The following WDR49 variants were observed in gnomAD, a reference collection of about 807,000 sequenced individuals.
The protein encoded by WDR49 is WD repeat domain 49, also known as cilia- and flagella-associated protein 337.
In WDR49, 107 loss-of-function variants were observed where a neutral mutation model predicts 119.5. The ratio of observed to expected loss-of-function variants is 0.90; its 90% CI spans 0.77 to 1.05. The LOEUF (loss-of-function observed/expected upper bound fraction) is 1.05. Among genes scored for constraint, WDR49 ranks in the 50% least tolerant of loss-of-function variants. The pLI is 0.00. For missense variants in WDR49, 1,240 were observed against 1,220.5 expected, an observed-to-expected ratio of 1.02 and a Z score of -0.24; for synonymous variants, 425 against 418.8, an observed-to-expected ratio of 1.01 and a Z score of -0.18.
At chr3:167,495,053 T>A (rs996808283) in intron 18 of WDR49, among the ~76,000 whole-genome samples, 2 of 152,106 alleles carry the variant, frequency 1.3e-5, no homozygotes, top group Non-Finnish European at 2.9e-5. Flanking sequence ...CAGAAAAGAA[T>A]ATTAATTTCA....
At chr3:167,573,399 C>CACACACAA (rs1250471652) in intron 8 of WDR49, among the ~76,000 whole-genome samples, 4 of 141,224 alleles carry the variant, frequency 2.8e-5, no homozygotes, top group Non-Finnish European at 4.4e-5. Flanking sequence ...AATACACACA[C>CACACACAA]ACACACACAC....
At chr3:167,618,269 A>G (rs1716697948) in intron 5 of WDR49, among the ~76,000 whole-genome samples, 1 of 152,226 alleles carries the variant, frequency 6.6e-6, no homozygotes, top group Non-Finnish European at 1.5e-5. Context: ...GTACCACTGA[A>G]CAATGTTCTA....
intron 10 of WDR49, among the ~76,000 whole-genome samples, chr3:167,553,520 G>A (rs892459769): frequency 6.6e-6 from 1 of 152,098 alleles, no homozygotes; most frequent in Non-Finnish European, 1.5e-5. Flanking sequence ...GCATTGCCAA[G>A]TTTTGACTTG....
At chr3:167,490,561 A>G (rs897085651) in intron 18 of WDR49, among the ~76,000 whole-genome samples, 6 of 152,042 alleles carry the variant, frequency 3.9e-5, no homozygotes, top group African/African-American at 1.4e-4. Context: ...ATCAAAGATT[A>G]TTTTTCTTTA....
At position 167,514,124 on chromosome 3, in the gene WDR49, A is replaced by G. The variant is rs1752100407; in HGVS notation, c.2774+8191T>C. Among the ~76,000 whole-genome samples, 7 of 152,218 alleles carry G rather than the reference A, an allele frequency of 4.6e-5. No individual in the cohort carries two copies. In the South Asian group the frequency reaches 1.4e-3, roughly 31 times the overall value. The stretch of plus-strand genomic sequence containing the variant: ...TCAAGTGGACCTGATAGAGATTTAC[A>G]GAAATCTCCACCCAAAAACAACAGA... On this transcript the variant is annotated intron_variant, in intron 16 of 18. Coordinates refer to ENST00000682715, the MANE Select transcript of WDR49 (RefSeq NM_001366157.1).
At chr3:167,499,529 C>T (rs1295579722) in intron 18 of WDR49, among the ~76,000 whole-genome samples, 1 of 152,082 alleles carries the variant, frequency 6.6e-6, no homozygotes, top group Non-Finnish European at 1.5e-5. Context: ...TTCACAGGAC[C>T]CCTCTTTGCT....
rs893149234 is a variant in WDR49, at chr3:167,626,885, C to T, written c.573G>A (p.Val191=). 2 of 1,250,964 alleles carry T rather than the reference C, an allele frequency of 1.6e-6. No homozygotes were observed. Among genetic ancestry groups the T allele is most frequent in the Non-Finnish European group, 2.0e-6 (2 of 997,646 alleles). The allele number at this position is 1,250,964 out of a possible 1,614,324, so 77.5% of individuals were successfully genotyped here. A position where few individuals can be genotyped will look rare whatever the true frequency, so the allele number is the denominator to read the frequency against. Residue 191 remains valine, a synonymous_variant, in exon 3 of 19, where the codon GTG becomes GTA. Transcript: ENST00000682715. ...CATTTTCCAGAGAAACCAGACTTGT[C>T]ACCCACAGGTGTTTGAGCTTGGTGG... ...SDATKLKHLW[V]TSLVSLENVN...
intron 8 of WDR49, among the ~76,000 whole-genome samples, chr3:167,568,129 C>T (rs943777131): frequency 6.6e-6 from 1 of 152,172 alleles, no homozygotes; most frequent in Non-Finnish European, 1.5e-5. Flanking sequence ...AGAACAAAGG[C>T]ATTTTCATCT....
chr3:167,637,075 C>T (rs185527121), intron 2 of WDR49, among the ~76,000 whole-genome samples: 2 of 151,692 alleles, frequency 1.3e-5, no homozygotes, highest in East Asian at 1.9e-4. Context: ...CCTAAGCCAA[C>T]CTCTAGAATG....
intron 2 of WDR49, among the ~76,000 whole-genome samples, chr3:167,644,740 T>C (rs909396699): frequency 2.0e-5 from 3 of 152,176 alleles, no homozygotes; most frequent in Non-Finnish European, 4.4e-5. Flanking sequence ...ATATTTGATA[T>C]ATAAAGGCAA....
chr3:167,542,861 CTT>C (rs1326107365), intron 10 of WDR49, among the ~76,000 whole-genome samples: 5 of 151,880 alleles, frequency 3.3e-5, no homozygotes, highest in Non-Finnish European at 7.4e-5. Flanking sequence ...AAAGCTGGTT[CTT>C]TGAAAAGATA....
intron 3 of WDR49, among the ~76,000 whole-genome samples, chr3:167,623,864 G>T (rs944477185): frequency 2.0e-5 from 3 of 151,940 alleles, no homozygotes; most frequent in Non-Finnish European, 4.4e-5. Context: ...GAAAGATGCA[G>T]AATATATTAT....
At chr3:167,646,949 A>AATCACT (rs1559931588) in intron 2 of WDR49, among the ~76,000 whole-genome samples, 2 of 152,164 alleles carry the variant, frequency 1.3e-5, no homozygotes, top group African/African-American at 4.8e-5. Flanking sequence ...AACGGTCAGA[A>AATCACT]ATCACTAAGG....
intron 8 of WDR49, among the ~76,000 whole-genome samples, chr3:167,563,369 A>G (rs1024831240): frequency 3.6e-4 from 54 of 149,296 alleles, no homozygotes; most frequent in South Asian, 1.2e-3. Context: ...AAAAAAAAAA[A>G]AAAAAAAAGA....
intron 2 of WDR49, among the ~76,000 whole-genome samples, chr3:167,633,097 G>GTGTGTA (rs1371248083): frequency 1.3e-5 from 2 of 151,274 alleles, no homozygotes; most frequent in African/African-American, 4.8e-5. Context: ...TCGTGTGTGT[G>GTGTGTA]TGTGTGTGTG....
chr3:167,596,184 C>G (rs1302630878), intron 7 of WDR49, among the ~76,000 whole-genome samples: 1 of 151,938 alleles, frequency 6.6e-6, no homozygotes, highest in East Asian at 1.9e-4. Context: ...CATCTCACAC[C>G]AGTTAGAATG....
chr3:167,555,531 A>G (rs1712871792), intron 9 of WDR49, among the ~76,000 whole-genome samples: 1 of 152,224 alleles, frequency 6.6e-6, no homozygotes. Flanking sequence ...AAGTTACAAC[A>G]TATGCTTGTG....
chr3:167,655,829 C>T (rs113497086), upstream of WDR49, among the ~76,000 whole-genome samples: 5,212 of 152,090 alleles, frequency 0.034, 107 homozygotes, highest in Middle Eastern at 0.054. Context: ...ACCTGGGAGG[C>T]GGAGGTTGCA....
At chr3:167,480,247 TAAAAAAAA>T (rs1162973369) in intron 18 of WDR49, among the ~76,000 whole-genome samples, 8 of 55,094 alleles carry the variant, frequency 1.5e-4, no homozygotes, top group Non-Finnish European at 1.9e-4. Flanking sequence ...AGACTCTGTC[TAAAAAAAA>T]AAAAAAAAAA....
Sources: allele counts gnomAD v4.1 joint callset (sites outside exome capture counted in the v4.1 genomes callset), GRCh38; gene constraint gnomAD v4.1.1; transcripts MANE v1.5; gene names NCBI Gene and HGNC (gene_info 2026-07-23, HGNC 2026-07-21).